The following CNGA1 variants were observed in gnomAD, a reference collection of about 807,000 sequenced individuals.
CNGA1 encodes cyclic nucleotide-gated channel alpha-1.
Under a neutral mutation model 69.7 loss-of-function variants are expected in CNGA1, and 53 were observed. The ratio of observed to expected loss-of-function variants is 0.76; its 90% CI spans 0.61 to 0.96. CNGA1 has a LOEUF of 0.96. Ranked by LOEUF, CNGA1 falls within the 40% of genes least tolerant of loss-of-function variation. CNGA1 has a pLI of 0.00. For missense variants in CNGA1, 739 were observed against 811.2 expected, an observed-to-expected ratio of 0.91 and a Z score of 1.08; for synonymous variants, 249 against 283.5, an observed-to-expected ratio of 0.88 and a Z score of 1.22.
intron 1 of CNGA1, among the ~76,000 whole-genome samples, chr4:48,015,756 A>C (rs1293262954): frequency 6.6e-6 from 1 of 152,108 alleles, no homozygotes; most frequent in Non-Finnish European, 1.5e-5. Context: ...ACAGGAGTAC[A>C]CCACCACATC....
intron 10 of CNGA1, among the ~76,000 whole-genome samples, chr4:47,940,013 A>C (rs1017204349): frequency 9.2e-5 from 14 of 152,094 alleles, no homozygotes; most frequent in African/African-American, 3.4e-4. Flanking sequence ...TTGCTCCCTT[A>C]GACACTTGGG....
intron 3 of CNGA1, among the ~76,000 whole-genome samples, chr4:47,974,661 T>C (rs936437919): frequency 5.3e-5 from 8 of 152,160 alleles, no homozygotes; most frequent in African/African-American, 1.9e-4. Flanking sequence ...TCCATAATAC[T>C]GTTTTTCATC....
chr4:47,996,486 G>T, intron 2 of CNGA1, among the ~76,000 whole-genome samples: 1 of 152,236 alleles, frequency 6.6e-6, no homozygotes, highest in East Asian at 1.9e-4. Flanking sequence ...AATGGGAATA[G>T]ATTCTTCTAA....
rs1353940297 is a variant in CNGA1, at chr4:47,976,212, TAC to T, written c.-15+5179_-15+5180del. 6.8e-5 allele frequency among the ~76,000 whole-genome samples: 4 copies of T among 58,982 alleles called. No homozygotes were observed. In the Admixed American group the frequency reaches 8.3e-4, roughly 12 times the overall value. The allele number at this position is 58,982 out of a possible 152,430, so 38.7% of individuals were successfully genotyped here. On this transcript the variant is annotated intron_variant, in intron 3 of 10. Coordinates refer to ENST00000514170, the MANE Select transcript of CNGA1 (RefSeq NM_001379270.1). ...ATACATATATATGTATATATATATA[TAC>T]ACATACATATATATATACATATATA...
In CNGA1 at chr4:47,951,364, T is replaced by G. The variant is rs746634177; in HGVS notation, c.213A>C (p.Gly71=). The change falls in exon 5 of 11, where the codon GGA becomes GGC. Residue 71 remains glycine (G), a synonymous_variant. Transcript: ENST00000514170. ...SFSYKSLRKG[G]PSQREQYLPG... The stretch of plus-strand genomic sequence containing the variant: ...ATCATACTGCTCACCTCTGTGATGG[T>G]CCTCCCTTTCTGAGTGACTTATAAC... 3.7e-6 allele frequency: 6 copies of G among 1,601,388 alleles called. No homozygotes were observed. The South Asian group carries it at 5.5e-5, about 15-fold the overall frequency.
rs532673361 is a variant in CNGA1, at chr4:47,963,182, G to A, written c.-14-10479C>T. 3.3e-5 allele frequency among the ~76,000 whole-genome samples: 5 copies of A among 152,292 alleles called. No homozygotes were observed. In the South Asian group the frequency reaches 6.2e-4, roughly 19 times the overall value. ...CTCAGGCTGGTCTTGAACTCCAGAC[G>A]TCAAATGATCCTCCCACCTTAGCCT... is the stretch of plus-strand genomic sequence containing the variant. On this transcript the variant is annotated intron_variant, in intron 3 of 10. Coordinates refer to ENST00000514170, the MANE Select transcript of CNGA1 (RefSeq NM_001379270.1).
intron 2 of CNGA1, among the ~76,000 whole-genome samples, chr4:47,995,925 A>G (rs1742456941): frequency 6.6e-6 from 1 of 152,134 alleles, no homozygotes; most frequent in Non-Finnish European, 1.5e-5. Flanking sequence ...TTCTGGATCT[A>G]GCCACCCAGC....
chr4:48,001,193 C>T (rs1378163180), intron 2 of CNGA1, among the ~76,000 whole-genome samples: 6 of 152,144 alleles, frequency 3.9e-5, no homozygotes, highest in Non-Finnish European at 5.9e-5. Flanking sequence ...AGGCTGGGCA[C>T]GGTGGCTCAG....
intron 2 of CNGA1, among the ~76,000 whole-genome samples, chr4:48,007,395 C>T (rs900347638): frequency 2.0e-5 from 3 of 152,294 alleles, no homozygotes; most frequent in East Asian, 1.9e-4. Context: ...TACAATCCCA[C>T]ATGCCCACCG....
chr4:48,006,171 G>T (rs1351576285), intron 2 of CNGA1, among the ~76,000 whole-genome samples: 1 of 152,052 alleles, frequency 6.6e-6, no homozygotes, highest in Non-Finnish European at 1.5e-5. Context: ...AGTCCTGAAA[G>T]TTTTTCATCT....
chr4:48,015,818 G>C (rs1425137069), intron 1 of CNGA1, among the ~76,000 whole-genome samples: 1 of 152,056 alleles, frequency 6.6e-6, no homozygotes, highest in Non-Finnish European at 1.5e-5. Context: ...GGCTAGTCTC[G>C]AACTTGTGGA....
At chr4:47,976,149 GTATATATATA>G (rs58349297) in intron 3 of CNGA1, among the ~76,000 whole-genome samples, 4 of 24,418 alleles carry the variant, frequency 1.6e-4, no homozygotes, top group East Asian at 1.1e-3. Context: ...ACTTTCATAT[GTATATATATA>G]TATATATATA....
intron 3 of CNGA1, among the ~76,000 whole-genome samples, chr4:47,968,429 C>G (rs1269771630): frequency 2.0e-5 from 3 of 151,824 alleles, no homozygotes; most frequent in African/African-American, 7.3e-5. Flanking sequence ...TGTGCTAACA[C>G]AGTGAATCTA....
intron 2 of CNGA1, among the ~76,000 whole-genome samples, chr4:47,992,244 C>T: frequency 6.6e-6 from 1 of 151,844 alleles, no homozygotes; most frequent in Non-Finnish European, 1.5e-5. Flanking sequence ...AAATTTGTAG[C>T]TTGCTTTTGA....
chr4:48,002,370 T>C (rs1180277913), intron 2 of CNGA1, among the ~76,000 whole-genome samples: 1 of 152,144 alleles, frequency 6.6e-6, no homozygotes, highest in Non-Finnish European at 1.5e-5. Flanking sequence ...GCAAAAAGCC[T>C]CAAGCCCCAC....
intron 3 of CNGA1, among the ~76,000 whole-genome samples, chr4:47,978,155 A>G (rs1741515923): frequency 6.6e-6 from 1 of 152,098 alleles, no homozygotes; most frequent in Non-Finnish European, 1.5e-5. Context: ...TTTAATGATT[A>G]TTTATTCCTA....
intron 3 of CNGA1, among the ~76,000 whole-genome samples, chr4:47,954,809 G>C (rs1014085328): frequency 3.3e-5 from 5 of 152,234 alleles, no homozygotes; most frequent in Admixed American, 1.3e-4. Context: ...TTTTTGAAGG[G>C]GGGGTAAAGC....
At chr4:48,002,612 T>G (rs1439179179) in intron 2 of CNGA1, among the ~76,000 whole-genome samples, 1 of 148,308 alleles carries the variant, frequency 6.7e-6, no homozygotes, top group Non-Finnish European at 1.5e-5. Context: ...TTCTGTGGGC[T>G]GAATTGCTTC....
intron 6 of CNGA1, among the ~76,000 whole-genome samples, chr4:47,945,849 A>G (rs1739365163): frequency 6.6e-6 from 1 of 152,194 alleles, no homozygotes; most frequent in Non-Finnish European, 1.5e-5. Flanking sequence ...CAGAGAGACT[A>G]CTGCAAAATC....
Sources: gnomAD v4.1 joint callset for allele counts (sites outside exome capture counted in the v4.1 genomes callset) on GRCh38, gnomAD v4.1.1 for gene constraint, MANE v1.5 for transcripts, NCBI Gene and HGNC (gene_info 2026-07-23, HGNC 2026-07-21) for gene names.